CD40LG: variants seen among roughly 807,000 people sequenced by gnomAD.
The protein encoded by CD40LG is CD40 antigen ligand.
CD40LG carries 1 observed loss-of-function variant against 17.2 expected under a neutral mutation model. The observed-to-expected ratio is 0.06, with a 90% CI of 0.02 to 0.28. The LOEUF (loss-of-function observed/expected upper bound fraction) is 0.28, where lower values mean the gene tolerates loss of function less well. CD40LG is among the 10% of genes least tolerant of loss of function. The pLI is 1.00. For missense variants in CD40LG, 133 were observed against 193.2 expected (o/e 0.69, Z 1.85); for synonymous variants, 66 against 74.4 (o/e 0.89, Z 0.58).
intron 3 of CD40LG, among the ~76,000 whole-genome samples, chrX:136,656,066 G>A (rs1000866634): frequency 2.7e-5 from 3 of 111,962 alleles, no homozygotes; most frequent in Non-Finnish European, 5.6e-5. Flanking sequence ...CAAGATTCAC[G>A]GTATGTTTAA....
chrX:136,648,858 G>A (rs747572497), intron 1 of CD40LG, among the ~76,000 whole-genome samples: 5 of 112,031 alleles, frequency 4.5e-5, no homozygotes, highest in Non-Finnish European at 9.4e-5. Flanking sequence ...TTTCCAGCTA[G>A]GCAAGAAGAG....
chrX:136,650,309 A>G lies in CD40LG; in HGVS notation c.200A>G (p.Lys67Arg). The change falls in exon 2 of 5, where the codon AAA becomes AGA. Residue 67 changes from lysine (K) to arginine (R), a missense_variant. By Grantham distance (26) the Lys-to-Arg change is conservative (BLOSUM62 2). Transcript: ENST00000370629. ...CTTCATGAAGATTTTGTATTCATGA[A>G]AACGATACAGAGATGCAACACAGGA... ...RNLHEDFVFM[K>R]TIQRCNTGER... The G allele has an allele frequency of 8.4e-7, 1 of 1,185,030 alleles. No homozygotes were observed. Among genetic ancestry groups the G allele is most frequent in the South Asian group, 1.8e-5 (1 of 56,318 alleles).
At chrX:136,650,776 G>C (rs1421342649) in intron 2 of CD40LG, among the ~76,000 whole-genome samples, 1 of 111,452 alleles carries the variant, frequency 9.0e-6, no homozygotes, top group Non-Finnish European at 1.9e-5. Context: ...CATTTCCCAG[G>C]GAAGCAATAG....
chrX:136,650,504 C>CACACAG, intron 2 of CD40LG, 107 bp downstream of exon 2: 1 of 624,064 alleles, frequency 1.6e-6, no homozygotes, highest in East Asian at 3.4e-5. Context: ...TAGACACAGA[C>CACACAG]ACACAGACAC....
intron 2 of CD40LG, 114 bp downstream of exon 2, chrX:136,650,511 A>ACG (rs746971850): frequency 3.6e-4 from 203 of 565,729 alleles, no homozygotes; most frequent in Middle Eastern, 3.1e-3. Flanking sequence ...AGACACACAG[A>ACG]CACACACACA....
chrX:136,655,824 A>T (rs2076117562), intron 3 of CD40LG, among the ~76,000 whole-genome samples: 1 of 112,495 alleles, frequency 8.9e-6, no homozygotes. Context: ...GCACTTACAA[A>T]GTGCCCAATA....
intron 3 of CD40LG, among the ~76,000 whole-genome samples, chrX:136,655,581 C>T (rs1339650439): frequency 8.9e-6 from 1 of 112,003 alleles, no homozygotes; most frequent in Non-Finnish European, 1.9e-5. Flanking sequence ...AGAGAGTACT[C>T]AGACCTTGCC....
rs773594916 is a variant in CD40LG at position 136,659,279 on chromosome X, C to T, written c.650C>T (p.Pro217Leu). Reference protein sequence around the residue: ...RAANTHSSAKPCGQQSIHLGG... With the variant: ...RAANTHSSAKLCGQQSIHLGG... The stretch of plus-strand genomic sequence containing the variant: ...GCAAATACCCACAGTTCCGCCAAAC[C>T]TTGCGGGCAACAATCCATTCACTTG... The change falls in exon 5 of 5, where the codon CCT becomes CTT. Residue 217 changes from proline (P) to leucine (L), a missense_variant. Transcript: ENST00000370629. 1.3e-5 allele frequency: 16 copies of T among 1,211,554 alleles called. No homozygotes were observed. In the South Asian group the frequency reaches 1.8e-4, roughly 13 times the overall value.
At chrX:136,654,484 T>C in intron 3 of CD40LG, 54 bp downstream of exon 3, 1 of 911,572 alleles carries the variant, frequency 1.1e-6, no homozygotes, top group Non-Finnish European at 1.6e-6. Context: ...AAAGGAAGCT[T>C]TAGGCTGATC....
intron 4 of CD40LG, 106 bp from the exon 5 acceptor site, chrX:136,658,933 C>T: frequency 1.1e-6 from 1 of 874,270 alleles, no homozygotes; most frequent in Non-Finnish European, 1.7e-6. Context: ...CCTTGAGAAT[C>T]CATCCCTATA....
chrX:136,654,261 C>T, intron 2 of CD40LG, 112 bp from the exon 3 acceptor site: 1 of 590,779 alleles, frequency 1.7e-6, no homozygotes, highest in Non-Finnish European at 2.9e-6. Context: ...ATATGATAAT[C>T]CTCACCAGAA....
chrX:136,656,023 A>G (rs1451833395), intron 3 of CD40LG, among the ~76,000 whole-genome samples: 3 of 112,261 alleles, frequency 2.7e-5, no homozygotes, highest in African/African-American at 9.7e-5. Flanking sequence ...GGAGCCCACT[A>G]AAATCCCCAG....
At chrX:136,648,768 C>T (rs1462959834) in intron 1 of CD40LG, among the ~76,000 whole-genome samples, 1 of 112,136 alleles carries the variant, frequency 8.9e-6, no homozygotes, top group Admixed American at 9.4e-5. Context: ...GCACTATGTA[C>T]GCACTAGCTA....
intron 2 of CD40LG, among the ~76,000 whole-genome samples, chrX:136,654,163 T>A (rs1269880944): frequency 9.0e-6 from 1 of 111,466 alleles, no homozygotes; most frequent in Non-Finnish European, 1.9e-5. Flanking sequence ...TTCCAGATTC[T>A]CCCCTGGGCT....
chrX:136,652,449 C>T (rs1272363917), intron 2 of CD40LG, among the ~76,000 whole-genome samples: 3 of 111,742 alleles, frequency 2.7e-5, no homozygotes, highest in Non-Finnish European at 5.6e-5. Flanking sequence ...TCTGGCTGCA[C>T]CTAAGCAACC....
Position 136,659,370 on chromosome X carries a change from G to A in CD40LG, c.741G>A (p.Val247=), listed in dbSNP as rs764969326. The A allele has an allele frequency of 1.7e-6, 2 of 1,210,895 alleles. No homozygotes were observed. Among genetic ancestry groups the A allele is most frequent in the African/African-American group, 1.7e-5 (1 of 57,857 alleles). ...TCAATGTGACTGATCCAAGCCAAGTGAGCCATGGCACTGGCTTCACGTCCT... is the reference window on the plus strand; with the variant it reads ...TCAATGTGACTGATCCAAGCCAAGTAAGCCATGGCACTGGCTTCACGTCCT... ...VFVNVTDPSQ[V]SHGTGFTSFG... is the part of the protein sequence containing the mutation. The change falls in exon 5 of 5, where the codon GTG becomes GTA. Residue 247 remains valine, a synonymous_variant. Transcript: ENST00000370629.
chrX:136,651,235 G>T (rs1174235192), intron 2 of CD40LG, among the ~76,000 whole-genome samples: 1 of 111,280 alleles, frequency 9.0e-6, no homozygotes, highest in Non-Finnish European at 1.9e-5. Flanking sequence ...TCAGAACACT[G>T]AGTCAAATAC....
rs2076129891 is a variant in CD40LG at position 136,659,920 on chromosome X, A to ACCACCC, written c.*507_*508insACCCCC. The ACCACCC allele has an allele frequency of 5.4e-5, 1 of 18,643 alleles. No individual in the cohort carries two copies. Among genetic ancestry groups the ACCACCC allele is most frequent in the Non-Finnish European group, 1.7e-4 (1 of 5,739 alleles). The allele number at this position is 18,643 out of a possible 1,213,427, so 1.5% of individuals were successfully genotyped here. A position where few individuals can be genotyped will look rare whatever the true frequency, so the allele number is the denominator to read the frequency against. ...ACGTCTAACACAGTGGAGAACCGAA[A>ACCACCC]CCCCCCCCCCCCCCCCGCCACCCTC... On this transcript the variant is annotated 3_prime_UTR_variant, in exon 5 of 5. Transcript: ENST00000370629.
At chrX:136,649,017 G>C (rs773450502) in intron 1 of CD40LG, among the ~76,000 whole-genome samples, 1 of 112,226 alleles carries the variant, frequency 8.9e-6, no homozygotes, top group African/African-American at 3.2e-5. Context: ...GTCTCCCTCT[G>C]AGATGTTTTA....
Sources: gnomAD v4.1 joint callset for allele counts (sites outside exome capture counted in the v4.1 genomes callset) on GRCh38, gnomAD v4.1.1 for gene constraint, MANE v1.5 for transcripts, NCBI Gene and HGNC (gene_info 2026-07-23, HGNC 2026-07-21) for gene names.